PNLDC1: variants seen among roughly 807,000 people sequenced by gnomAD.
PNLDC1 encodes PARN like ribonuclease domain containing exonuclease 1.
In PNLDC1, 70 loss-of-function variants were observed where a neutral mutation model predicts 82.0. The observed-to-expected ratio is 0.85, with a 90% confidence interval of 0.70 to 1.04. The LOEUF is 1.04. PNLDC1 is among the 50% of genes least tolerant of loss of function. PNLDC1 has a pLI of 0.00. For synonymous variants in PNLDC1, 280 were observed against 249.3 expected, an observed-to-expected ratio of 1.12 and a Z score of -1.16; for missense variants, 631 against 661.1, an observed-to-expected ratio of 0.95 and a Z score of 0.50.
At position 159,820,684 on chromosome 6, in the gene PNLDC1, A is replaced by C; in HGVS notation, c.*167A>C. On this transcript the variant is annotated 3_prime_UTR_variant, in exon 19 of 19. Coordinates refer to ENST00000392167, the MANE Select transcript of PNLDC1 (RefSeq NM_001271862.2). Reference sequence around the variant, plus strand: ...AATTCTGTCAACACTCTCAATGATAAATCAGTCCTTAGATATCGTACCTGT... The same window carrying C: ...AATTCTGTCAACACTCTCAATGATACATCAGTCCTTAGATATCGTACCTGT... 1.5e-6 allele frequency: 1 copy of C among 657,624 alleles called. No individual in the cohort carries two copies. The highest frequency in any genetic ancestry group is 2.7e-5 in the East Asian group (1 of 36,420). The allele number at this position is 657,624 out of a possible 1,614,324, so 40.7% of individuals were successfully genotyped here. A position where few individuals can be genotyped will look rare whatever the true frequency, so the allele number is the denominator to read the frequency against.
In PNLDC1 at chr6:159,818,583, C is replaced by T. The variant is rs1485187074; in HGVS notation, c.1186C>T (p.Pro396Ser). The T allele has an allele frequency of 1.2e-5, 19 of 1,613,774 alleles. No homozygotes were observed. Among genetic ancestry groups the T allele is most frequent in the African/African-American group, 2.7e-5 (2 of 74,928 alleles). Residue 396 changes from proline to serine, a missense_variant, in exon 16 of 19, where the codon CCT becomes TCT. Physicochemically the swap from Pro to Ser is moderately conservative, Grantham distance 74. Coordinates refer to ENST00000392167, the MANE Select transcript of PNLDC1 (RefSeq NM_001271862.2). ...HIDPVPESSF[P>S]QYLDVLAPYV... ...CGACCCCGTGCCCGAGTCATCCTTT[C>T]CTCAGTACCTTGACGTGCTGGCTCC...
At chr6:159,811,661 A>C (rs1292518044) in intron 10 of PNLDC1, 40 bp from the exon 11 acceptor site, 2 of 1,549,520 alleles carry the variant, frequency 1.3e-6, no homozygotes, top group African/African-American at 2.7e-5. Context: ...TTTTGCCAAC[A>C]AACAAATTCA....
chr6:159,819,568 C>T lies in PNLDC1; in HGVS notation c.1532+216C>T, dbSNP rs774624900. On this transcript the variant is annotated intron_variant, in intron 18 of 18. Transcript: ENST00000392167. This position sits in a 1 kb window ranked among gnomAD's most constrained non-coding sequence, Gnocchi z 4.6. ...GGGCACCATCGTAGTTCTAGGGCCTCGTCAGTGAAGCAGAAAATCCCTGCT... is the reference window on the plus strand; with the variant it reads ...GGGCACCATCGTAGTTCTAGGGCCTTGTCAGTGAAGCAGAAAATCCCTGCT... Among the ~76,000 whole-genome samples, 24 of 152,218 alleles carry T rather than the reference C, an allele frequency of 1.6e-4. No homozygotes were observed. Among genetic ancestry groups the T allele is most frequent in the Non-Finnish European group, 2.2e-4 (15 of 68,034 alleles).
chr6:159,814,308 C>A (rs532781687), intron 12 of PNLDC1, among the ~76,000 whole-genome samples: 38 of 152,194 alleles, frequency 2.5e-4, no homozygotes, highest in Admixed American at 3.9e-4. Flanking sequence ...TTTTTTAAAA[C>A]CCATTCCTTG....
Position 159,819,057 on chromosome 6 carries a change from T to C in PNLDC1, c.1369T>C (p.Cys457Arg). ...AGTCTACCATAAGTTTCAGAATCTC[T>C]GCAAGTTTGATGTCAGGCGACTCAC... is the stretch of plus-strand genomic sequence containing the variant. ...QQVYHKFQNL[C>R]KFDVRRLTRS... Residue 457 changes from cysteine to arginine, a missense_variant, in exon 17 of 19, where the codon TGC becomes CGC. Transcript: ENST00000392167. This position sits in a 1 kb window ranked among gnomAD's most constrained non-coding sequence, Gnocchi z 4.6. 6.2e-7 allele frequency: 1 copy of C among 1,614,014 alleles called. No homozygotes were observed. Among genetic ancestry groups the C allele is most frequent in the Non-Finnish European group, 8.5e-7 (1 of 1,179,992 alleles).
intron 9 of PNLDC1, 146 bp from the exon 10 acceptor site, chr6:159,809,880 G>A: frequency 3.0e-6 from 2 of 661,454 alleles, no homozygotes; most frequent in Non-Finnish European, 5.3e-6. Flanking sequence ...ACCTTTCACA[G>A]AGGCAAAGGA....
chr6:159,811,577 A>G lies in PNLDC1; in HGVS notation c.854-124A>G, dbSNP rs146167993. On this transcript the variant is annotated intron_variant, in intron 10 of 18. Coordinates refer to ENST00000392167, the MANE Select transcript of PNLDC1 (RefSeq NM_001271862.2). ...GTGGCTAGGATTAATGGTGTTTTCA[A>G]TTCCTGTTTTGTTTCAGTTTGCTTT... is the stretch of plus-strand genomic sequence containing the variant. 809 of 709,152 alleles carry G rather than the reference A, an allele frequency of 1.1e-3. 1 individual carries two copies. The highest frequency in any genetic ancestry group is 4.6e-3 in the Middle Eastern group (19 of 4,124). 43.9% of individuals were successfully genotyped at this position (709,152 alleles called of 1,614,324 possible).
intron 15 of PNLDC1, among the ~76,000 whole-genome samples, chr6:159,818,021 A>G (rs1781893642): frequency 6.6e-6 from 1 of 152,144 alleles, no homozygotes; most frequent in African/African-American, 2.4e-5. Flanking sequence ...GTGGTGGGGC[A>G]CCTCAGTGCC....
chr6:159,817,363 G>C (rs1008260183), intron 15 of PNLDC1, among the ~76,000 whole-genome samples: 1 of 152,200 alleles, frequency 6.6e-6, no homozygotes, highest in Non-Finnish European at 1.5e-5. Flanking sequence ...CCCTGTGCCT[G>C]CCTGTATGGG....
In PNLDC1 at chr6:159,813,614, C is replaced by T. The variant is rs781459190; in HGVS notation, c.953C>T (p.Pro318Leu). Residue 318 changes from proline (P) to leucine (L), a missense_variant, in exon 12 of 19, where the codon CCG becomes CTG. Pro to Leu is a moderately conservative substitution (Grantham distance 98, BLOSUM62 -3). Coordinates refer to ENST00000392167, the MANE Select transcript of PNLDC1 (RefSeq NM_001271862.2). ...CCATGATTGTAGGAGATGAATTTCC[C>T]GAGGGTGTCGAATCTTTCGGAAGTC... Reference protein sequence around the residue: ...TKDIWKEMNFPRVSNLSEVYE... With the variant: ...TKDIWKEMNFLRVSNLSEVYE... 2.2e-5 allele frequency: 36 copies of T among 1,612,990 alleles called. No homozygotes were observed. Among genetic ancestry groups the T allele is most frequent in the East Asian group, 6.7e-5 (3 of 44,872 alleles).
chr6:159,811,961 G>A (rs150952356), intron 11 of PNLDC1, among the ~76,000 whole-genome samples, 175 bp downstream of exon 11: 1,836 of 151,990 alleles, frequency 0.012, 33 homozygotes, highest in African/African-American at 0.042. Context: ...GTGCAATGGC[G>A]CGATCTCAGC....
chr6:159,805,913 A>C (rs1281639345), intron 6 of PNLDC1, 70 bp from the exon 7 acceptor site: 1 of 1,127,786 alleles, frequency 8.9e-7, no homozygotes, highest in African/African-American at 1.5e-5. Context: ...AACTGCTCTC[A>C]TGTTAACATA....
chr6:159,806,672 G>A (rs762129473), intron 7 of PNLDC1, among the ~76,000 whole-genome samples: 5 of 152,114 alleles, frequency 3.3e-5, no homozygotes, highest in East Asian at 1.9e-4. Flanking sequence ...AGTTAAAAAC[G>A]GAAAGGCCAA....
rs765136064 is a variant in PNLDC1, at chr6:159,813,535, C to G, written c.940-66C>G. 1.5e-5 allele frequency: 21 copies of G among 1,426,390 alleles called. 1 individual carries two copies. Among genetic ancestry groups the G allele is most frequent in the Non-Finnish European group, 2.1e-5 (21 of 1,010,398 alleles). The allele number at this position is 1,426,390 out of a possible 1,614,324, so 88.4% of individuals were successfully genotyped here. A position where few individuals can be genotyped will look rare whatever the true frequency, so the allele number is the denominator to read the frequency against. On this transcript the variant is annotated intron_variant, in intron 11 of 18. Coordinates refer to ENST00000392167, the MANE Select transcript of PNLDC1 (RefSeq NM_001271862.2). ...AGGCCATTTTAATGACCATTTGGTA[C>G]TGCCTGAAACAGAGAATAAACAAAA...
At chr6:159,817,827 A>G (rs536627276) in intron 15 of PNLDC1, among the ~76,000 whole-genome samples, 202 of 152,372 alleles carry the variant, frequency 1.3e-3, no homozygotes, top group South Asian at 2.3e-3. Context: ...ACTATGATCT[A>G]TTAACTTGGG....
rs192666831 is a variant in PNLDC1, at chr6:159,813,668, G to A, written c.995+12G>A. 32 of 1,612,776 alleles carry A rather than the reference G, an allele frequency of 2.0e-5. No individual in the cohort carries two copies. The highest frequency in any genetic ancestry group is 7.7e-5 in the South Asian group (7 of 91,042). ...GAAGTCCTGAACAGGTGAGGACGGC[G>A]ATTCCTGGAGCTACTGCTGGAGCGG... is the stretch of plus-strand genomic sequence containing the variant. On this transcript the variant is annotated intron_variant, in intron 12 of 18. Coordinates refer to ENST00000392167, the MANE Select transcript of PNLDC1 (RefSeq NM_001271862.2).
At chr6:159,809,284 T>G (rs1781565364) in intron 9 of PNLDC1, 126 bp downstream of exon 9, 1 of 1,280,186 alleles carries the variant, frequency 7.8e-7, no homozygotes, top group African/African-American at 1.5e-5. Flanking sequence ...TCATGAATTT[T>G]TTCATGTTTT....
At chr6:159,808,839 G>T (rs771962424) in intron 8 of PNLDC1, 23 bp downstream of exon 8, 1 of 1,612,036 alleles carries the variant, frequency 6.2e-7, no homozygotes, top group Non-Finnish European at 8.5e-7. Context: ...TGCGAACGGG[G>T]CATCAGTGGC....
At chr6:159,803,161 C>A (rs1583165726) in intron 3 of PNLDC1, 110 bp from the exon 4 acceptor site, 71 of 914,036 alleles carry the variant, frequency 7.8e-5, no homozygotes, top group South Asian at 1.3e-4. Context: ...TGTTGTACAG[C>A]CCACATAGTA....
Sources: allele counts gnomAD v4.1 joint callset (sites outside exome capture counted in the v4.1 genomes callset), GRCh38; gene constraint gnomAD v4.1.1; non-coding constraint Gnocchi (gnomAD v3.1); transcripts MANE v1.5; gene names NCBI Gene and HGNC (gene_info 2026-07-23, HGNC 2026-07-21).